Variants in GABRA2 observed in about 807,000 individuals in gnomAD.
The protein encoded by GABRA2 is gamma-aminobutyric acid type A receptor subunit alpha2.
GABRA2 carries 16 observed loss-of-function variants against 48.7 expected under a neutral mutation model. The ratio of observed to expected loss-of-function variants is 0.33; its 90% CI spans 0.22 to 0.50. GABRA2 has a LOEUF of 0.50. Among genes scored for constraint, GABRA2 ranks in the 20% least tolerant of loss-of-function variants. GABRA2 has a pLI of 0.98. For synonymous variants in GABRA2, 185 were observed against 184.5 expected, an observed-to-expected ratio of 1.00 and a Z score of -0.02; for missense variants, 275 against 535.6, an observed-to-expected ratio of 0.51 and a Z score of 4.80.
At chr4:46,376,698 G>A (rs1324042661) in intron 3 of GABRA2, among the ~76,000 whole-genome samples, 1 of 151,982 alleles carries the variant, frequency 6.6e-6, no homozygotes, top group Non-Finnish European at 1.5e-5. Flanking sequence ...ACCAGACATA[G>A]TGAGATCCTG....
At chr4:46,349,698 A>G (rs1475054351) in intron 3 of GABRA2, among the ~76,000 whole-genome samples, 1 of 151,882 alleles carries the variant, frequency 6.6e-6, no homozygotes, top group Non-Finnish European at 1.5e-5. Flanking sequence ...TCAGTCTCAA[A>G]AAGAAACTCA....
At chr4:46,336,958 C>CT (rs767637915) in intron 3 of GABRA2, among the ~76,000 whole-genome samples, 9 of 152,032 alleles carry the variant, frequency 5.9e-5, no homozygotes, top group Non-Finnish European at 8.8e-5. Flanking sequence ...TGAAAAATTG[C>CT]TTTTTTGCTG....
intron 3 of GABRA2, chr4:46,364,525 T>C (rs909770932): frequency 1.3e-5 from 2 of 152,214 alleles, no homozygotes; most frequent in Admixed American, 1.3e-4. Flanking sequence ...TGTGCTGTGC[T>C]CCTTTCTGGA....
intron 3 of GABRA2, chr4:46,368,288 C>T (rs1238284697): frequency 6.6e-6 from 1 of 152,150 alleles, no homozygotes; most frequent in Non-Finnish European, 1.5e-5. Flanking sequence ...CACCTCAGAA[C>T]AATGGGGGAC....
chr4:46,259,919 T>C (rs1716610024), intron 9 of GABRA2, among the ~76,000 whole-genome samples: 1 of 151,914 alleles, frequency 6.6e-6, no homozygotes, highest in Admixed American at 6.6e-5. Flanking sequence ...GATATCCTTT[T>C]AGTTTTAAGG....
intron 8 of GABRA2, among the ~76,000 whole-genome samples, chr4:46,272,074 C>G (rs963568461): frequency 3.3e-5 from 5 of 151,920 alleles, no homozygotes; most frequent in Admixed American, 3.3e-4. Flanking sequence ...AACAAAATTG[C>G]AAAGATTCCT....
intron 4 of GABRA2, among the ~76,000 whole-genome samples, chr4:46,314,146 T>TA (rs1327492611): frequency 2.0e-5 from 3 of 152,184 alleles, no homozygotes; most frequent in Admixed American, 6.6e-5. Flanking sequence ...ACTCTAAAAT[T>TA]AAAAAAATGA....
chr4:46,304,709 C>G (rs1726342141), intron 7 of GABRA2, among the ~76,000 whole-genome samples: 1 of 151,860 alleles, frequency 6.6e-6, no homozygotes, highest in Admixed American at 6.6e-5. Flanking sequence ...GCAGGCTGAT[C>G]ACGAGGTCAG....
intron 8 of GABRA2, among the ~76,000 whole-genome samples, chr4:46,278,965 T>C (rs1232825151): frequency 2.6e-5 from 4 of 151,610 alleles, no homozygotes; most frequent in Non-Finnish European, 5.9e-5. Flanking sequence ...AAGATGATAA[T>C]TTAATAATTA....
chr4:46,379,005 G>T (rs934880310), intron 3 of GABRA2, among the ~76,000 whole-genome samples: 8 of 152,038 alleles, frequency 5.3e-5, no homozygotes, highest in African/African-American at 1.9e-4. Flanking sequence ...TATATATCTG[G>T]TTAAGACAAC....
chr4:46,273,530 T>TG (rs1719892445), intron 8 of GABRA2, among the ~76,000 whole-genome samples: 1 of 39,074 alleles, frequency 2.6e-5, no homozygotes. Flanking sequence ...TATATATATA[T>TG]ATATATGAGA....
chr4:46,313,567 T>TTCTC (rs3068364), intron 4 of GABRA2, among the ~76,000 whole-genome samples: 387 of 145,726 alleles, frequency 2.7e-3, no homozygotes, highest in East Asian at 0.016. Flanking sequence ...GAAACTCTGT[T>TTCTC]TCTCTCTCTC....
In GABRA2 at chr4:46,390,043, A is replaced by ACAAAAAT; in HGVS notation, c.-320_-319insATTTTTG. 1 of 114,350 alleles carries ACAAAAAT rather than the reference A, an allele frequency of 8.7e-6. No individual in the cohort carries two copies. Among genetic ancestry groups the ACAAAAAT allele is most frequent in the Non-Finnish European group, 1.1e-5 (1 of 87,816 alleles). 7.1% of individuals were successfully genotyped at this position (114,350 alleles called of 1,614,324 possible). ...AGAGGAGGAGGGGGAAAACGATGAC[A>ACAAAAAT]GGAGCTGGGGCCGGGGGGGGAAATT... On this transcript the variant is annotated 5_prime_UTR_variant, in exon 1 of 10. Transcript: ENST00000381620.
At position 46,266,306 on chromosome 4, in the gene GABRA2, T is replaced by C. The variant is rs745920412; in HGVS notation, c.857-4178A>G. On this transcript the variant is annotated intron_variant, in intron 8 of 9. Transcript: ENST00000381620. ...TAGTAAACAAATTATTATATTTAAT[T>C]TTTAATATTTAAAATAAATATAAAA... Among the ~76,000 whole-genome samples, 386 of 147,888 alleles carry C rather than the reference T, an allele frequency of 2.6e-3. 4 individuals carry two copies. The highest frequency in any genetic ancestry group is 3.0e-3 in the Non-Finnish European group (203 of 67,004).
intron 4 of GABRA2, among the ~76,000 whole-genome samples, chr4:46,320,120 C>T (rs1429720062): frequency 6.6e-6 from 1 of 151,814 alleles, no homozygotes; most frequent in Admixed American, 6.6e-5. Flanking sequence ...GGACATTACT[C>T]ATGGCTTATG....
chr4:46,360,414 A>G (rs1414120309), intron 3 of GABRA2, among the ~76,000 whole-genome samples: 1 of 152,140 alleles, frequency 6.6e-6, no homozygotes, highest in Admixed American at 6.6e-5. Flanking sequence ...TAAAAACAGG[A>G]GTTTCCCTGC....
upstream of GABRA2, chr4:46,390,166 A>T: frequency 3.3e-6 from 1 of 305,060 alleles, no homozygotes; most frequent in Non-Finnish European, 4.5e-6. Context: ...AGGGCTAAGG[A>T]GGTTCCCGGG....
intron 4 of GABRA2, among the ~76,000 whole-genome samples, chr4:46,316,578 G>A (rs1728591646): frequency 6.6e-6 from 1 of 151,928 alleles, no homozygotes; most frequent in South Asian, 2.1e-4. Context: ...GAAATCCTAA[G>A]TGGTGTGTAA....
intron 8 of GABRA2, 107 bp downstream of exon 8, chr4:46,303,353 C>G (rs538451128): frequency 9.0e-7 from 1 of 1,114,382 alleles, no homozygotes; most frequent in Admixed American, 1.9e-5. Flanking sequence ...CAATACTCCC[C>G]GCCCCACCTA....
Sources: allele counts gnomAD v4.1 joint callset (sites outside exome capture counted in the v4.1 genomes callset), GRCh38; gene constraint gnomAD v4.1.1; transcripts MANE v1.5; gene names NCBI Gene and HGNC (gene_info 2026-07-23, HGNC 2026-07-21).